GNG10: variants seen among roughly 807,000 people sequenced by gnomAD.
GNG10 encodes the protein guanine nucleotide-binding protein G(I)/G(S)/G(O) subunit gamma-10.
A neutral mutation model predicts 6.8 loss-of-function variants in GNG10; 7 were observed. The ratio of observed to expected loss-of-function variants is 1.02; its 90% CI spans 0.58 to 1.92. The LOEUF (loss-of-function observed/expected upper bound fraction) is 1.92, where lower values mean the gene tolerates loss of function less well. GNG10 is among the 30% of genes most tolerant of loss of function. GNG10 has a pLI of 0.00. For synonymous variants in GNG10, 28 were observed against 34.8 expected (o/e 0.80, Z 0.69); for missense variants, 57 against 86.1 (o/e 0.66, Z 1.34).
At chr9:111,662,695 G>A (rs1019718048) in intron 1 of GNG10, among the ~76,000 whole-genome samples, 3 of 152,156 alleles carry the variant, frequency 2.0e-5, no homozygotes, top group Admixed American at 6.5e-5. Flanking sequence ...GTTCTGGAGG[G>A]GAAGGTAAAC....
Position 111,661,732 on chromosome 9 carries a change from C to A in GNG10, c.81+17C>A. On this transcript the variant is annotated intron_variant, in intron 1 of 2. Transcript: ENST00000374293. The surrounding 1 kb of genome is among the most constrained non-coding windows in gnomAD (Gnocchi z 6.1). Reference sequence around the variant, plus strand: ...AGGATCAAGGTGCGGGCCCCGGGTACCCACGCTCCGGTCCTTCCGCCCGCG... The same window carrying A: ...AGGATCAAGGTGCGGGCCCCGGGTAACCACGCTCCGGTCCTTCCGCCCGCG... 7.6e-7 allele frequency: 1 copy of A among 1,313,738 alleles called. No homozygotes were observed. Among genetic ancestry groups the A allele is most frequent in the Admixed American group, 2.6e-5 (1 of 38,058 alleles). The allele number at this position is 1,313,738 out of a possible 1,614,324, so 81.4% of individuals were successfully genotyped here.
chr9:111,668,623 T>C (rs946804679), intron 2 of GNG10, among the ~76,000 whole-genome samples: 4 of 152,096 alleles, frequency 2.6e-5, no homozygotes, highest in African/African-American at 7.2e-5. Flanking sequence ...TAGGTGGGAC[T>C]GCAGGTGTGC....
In GNG10 at chr9:111,670,090, A is replaced by G. The variant is rs1320685000; in HGVS notation, c.*828A>G. On this transcript the variant is annotated 3_prime_UTR_variant, in exon 3 of 3. Transcript: ENST00000374293. Reference sequence around the variant, plus strand: ...TAACATGAAAATATTACAACCTAAAAGAATTCTTAACTTCACAAGTGTTTT... The same window carrying G: ...TAACATGAAAATATTACAACCTAAAGGAATTCTTAACTTCACAAGTGTTTT... The G allele has an allele frequency of 2.0e-5, 3 of 152,648 alleles. No individual in the cohort carries two copies. Among genetic ancestry groups the G allele is most frequent in the Non-Finnish European group, 4.4e-5 (3 of 68,030 alleles). 9.5% of individuals were successfully genotyped at this position (152,648 alleles called of 1,614,324 possible). A position where few individuals can be genotyped will look rare whatever the true frequency, so the allele number is the denominator to read the frequency against.
chr9:111,667,868 C>G (rs1042234801), intron 2 of GNG10, among the ~76,000 whole-genome samples: 2 of 152,230 alleles, frequency 1.3e-5, no homozygotes, highest in East Asian at 3.9e-4. Context: ...GTGTTTCCCC[C>G]CTCATCGCCG....
At chr9:111,662,188 A>C (rs60885817) in intron 1 of GNG10, among the ~76,000 whole-genome samples, 2,936 of 152,134 alleles carry the variant, frequency 0.019, 92 homozygotes, top group African/African-American at 0.067. Context: ...AGGAGGGGGA[A>C]CAGGTTTGGG....
chr9:111,668,571 A>T (rs558982805), intron 2 of GNG10, among the ~76,000 whole-genome samples: 1 of 150,246 alleles, frequency 6.7e-6, no homozygotes, highest in East Asian at 2.0e-4. Context: ...TGCAACCTCC[A>T]CCTCCCAGGT....
At chr9:111,665,670 G>A (rs1830884808) in intron 1 of GNG10, among the ~76,000 whole-genome samples, 2 of 152,112 alleles carry the variant, frequency 1.3e-5, no homozygotes, top group Admixed American at 1.3e-4. Context: ...GGACTAGCTT[G>A]GAACTTGCCC....
intron 1 of GNG10, among the ~76,000 whole-genome samples, chr9:111,664,084 C>T (rs1830865359): frequency 6.6e-6 from 1 of 151,962 alleles, no homozygotes; most frequent in Non-Finnish European, 1.5e-5. Flanking sequence ...ATCCTCCCGC[C>T]TCAAGCTCCC....
intron 2 of GNG10, among the ~76,000 whole-genome samples, chr9:111,668,161 G>A (rs1830936310): frequency 6.6e-6 from 1 of 152,070 alleles, no homozygotes; most frequent in African/African-American, 2.4e-5. Context: ...GTGACACAAT[G>A]TTTTTTTAAG....
chr9:111,666,415 G>C (rs924099487), intron 1 of GNG10, among the ~76,000 whole-genome samples: 5 of 152,134 alleles, frequency 3.3e-5, no homozygotes, highest in Admixed American at 2.6e-4. Context: ...ACTGAATAAG[G>C]CTTCAGACTT....
chr9:111,666,818 T>C lies in GNG10; in HGVS notation c.85T>C (p.Ser29Pro), dbSNP rs1212247774. The change falls in exon 2 of 3, where the codon TCT (serine) becomes CCT (proline). Residue 29 changes from serine to proline, a missense_variant. Coordinates refer to ENST00000374293, the MANE Select transcript of GNG10 (RefSeq NM_001017998.4). ...TGTTGCTGTCCCTTTGTTTCAGGTC[T>C]CTCAGGCAGCTGCAGAGCTTCAACA... is the stretch of plus-strand genomic sequence containing the variant. ...LEAGVERIKV[S>P]QAAAELQQYC... The C allele has an allele frequency of 6.2e-7, 1 of 1,612,468 alleles. No homozygotes were observed. The highest frequency in any genetic ancestry group is 1.1e-5 in the South Asian group (1 of 90,982).
At chr9:111,664,351 C>T (rs1463370458) in intron 1 of GNG10, among the ~76,000 whole-genome samples, 1 of 152,184 alleles carries the variant, frequency 6.6e-6, no homozygotes, top group Non-Finnish European at 1.5e-5. Flanking sequence ...TGGTCTACCT[C>T]ACATCCTCAT....
At position 111,666,594 on chromosome 9, in the gene GNG10, T is replaced by C. The variant is rs113431268; in HGVS notation, c.82-221T>C. On this transcript the variant is annotated intron_variant, in intron 1 of 2. Coordinates refer to ENST00000374293, the MANE Select transcript of GNG10 (RefSeq NM_001017998.4). ...AAGATACAGCTTTTTCTTGTCTTCG[T>C]TGAATAAGCAACTAAACCAAAAAAT... 1.2e-3 allele frequency among the ~76,000 whole-genome samples: 181 copies of C among 152,358 alleles called. 1 individual carries two copies. Among genetic ancestry groups the C allele is most frequent in the African/African-American group, 4.0e-3 (167 of 41,580 alleles).
intron 2 of GNG10, among the ~76,000 whole-genome samples, chr9:111,668,151 G>A (rs781705239): frequency 5.9e-5 from 9 of 152,142 alleles, no homozygotes; most frequent in Non-Finnish European, 1.2e-4. Context: ...GATTACAGGC[G>A]TGACACAATG....
intron 1 of GNG10, among the ~76,000 whole-genome samples, chr9:111,664,110 C>T (rs1830865698): frequency 1.3e-5 from 2 of 152,052 alleles, no homozygotes; most frequent in African/African-American, 2.4e-5. Context: ...GCTGGGATTA[C>T]AGGCATGAGC....
At chr9:111,665,758 C>T (rs779447640) in intron 1 of GNG10, among the ~76,000 whole-genome samples, 40 of 152,038 alleles carry the variant, frequency 2.6e-4, no homozygotes, top group East Asian at 3.9e-4. Context: ...CGGAGTTTTG[C>T]TCTTGTCACC....
In GNG10 at chr9:111,670,131, C is replaced by G. The variant is rs1286509139; in HGVS notation, c.*869C>G. On this transcript the variant is annotated 3_prime_UTR_variant, in exon 3 of 3. Transcript: ENST00000374293. ...CAAGTGTTTTACTTCGACGATGTGCCTTTGATTTAATTTGGGACACTTTTT... is the reference window on the plus strand; with the variant it reads ...CAAGTGTTTTACTTCGACGATGTGCGTTTGATTTAATTTGGGACACTTTTT... 6.5e-6 allele frequency: 1 copy of G among 152,716 alleles called. No homozygotes were observed. The highest frequency in any genetic ancestry group is 2.1e-4 in the South Asian group (1 of 4,832). 9.5% of individuals were successfully genotyped at this position (152,716 alleles called of 1,614,324 possible).
rs1259807806 is a variant in GNG10 at position 111,666,838 on chromosome 9, T to TCAA, written c.108_110dup (p.Gln37dup). On this transcript the variant is annotated inframe_insertion, in exon 2 of 3. Coordinates refer to ENST00000374293, the MANE Select transcript of GNG10 (RefSeq NM_001017998.4). ...AGGTCTCTCAGGCAGCTGCAGAGCT[T>TCAA]CAACAGTACTGTATGCAGAATGCCT... 1 of 1,613,208 alleles carries TCAA rather than the reference T, an allele frequency of 6.2e-7. No individual in the cohort carries two copies. The highest frequency in any genetic ancestry group is 1.7e-5 in the Admixed American group (1 of 60,006).
Position 111,661,734 on chromosome 9 carries a change from C to A in GNG10, c.81+19C>A. 2.3e-6 allele frequency: 3 copies of A among 1,308,584 alleles called. No individual in the cohort carries two copies. Among genetic ancestry groups the A allele is most frequent in the Admixed American group, 2.7e-5 (1 of 37,724 alleles). The allele number at this position is 1,308,584 out of a possible 1,614,324, so 81.1% of individuals were successfully genotyped here. On this transcript the variant is annotated intron_variant, in intron 1 of 2. Coordinates refer to ENST00000374293, the MANE Select transcript of GNG10 (RefSeq NM_001017998.4). The surrounding 1 kb of genome is among the most constrained non-coding windows in gnomAD (Gnocchi z 6.1). ...GATCAAGGTGCGGGCCCCGGGTACC[C>A]ACGCTCCGGTCCTTCCGCCCGCGGG... is the stretch of plus-strand genomic sequence containing the variant.
Sources: gnomAD v4.1 joint callset for allele counts (sites outside exome capture counted in the v4.1 genomes callset) on GRCh38, gnomAD v4.1.1 for gene constraint, Gnocchi (gnomAD v3.1) non-coding constraint, MANE v1.5 for transcripts, NCBI Gene and HGNC (gene_info 2026-07-23, HGNC 2026-07-21) for gene names.